LDAH: variants seen among roughly 807,000 people sequenced by gnomAD.
LDAH encodes the protein lipid droplet associated hydrolase.
Under a neutral mutation model 29.6 loss-of-function variants are expected in LDAH, and 26 were observed. That is an observed-to-expected ratio of 0.88 (90% CI 0.64 to 1.22). The LOEUF (loss-of-function observed/expected upper bound fraction) is 1.22, where lower values mean the gene tolerates loss of function less well. Ranked by LOEUF, LDAH falls within the 50% of genes most tolerant of loss-of-function variation. LDAH has a pLI of 0.00. For missense variants in LDAH, 344 were observed against 387.3 expected, an observed-to-expected ratio of 0.89 and a Z score of 0.94; for synonymous variants, 117 against 133.0, an observed-to-expected ratio of 0.88 and a Z score of 0.83.
At chr2:20,754,212 G>A (rs1668153990) in intron 4 of LDAH, among the ~76,000 whole-genome samples, 1 of 152,078 alleles carries the variant, frequency 6.6e-6, no homozygotes, top group South Asian at 2.1e-4. Flanking sequence ...CGCAGGCTGG[G>A]CGCGGTGGCT....
chr2:20,796,788 C>T (rs1671333250), intron 2 of LDAH, among the ~76,000 whole-genome samples: 2 of 152,132 alleles, frequency 1.3e-5, no homozygotes. Context: ...ATCCTGACAC[C>T]AACTTTAAGA....
rs1572708076 is a variant in LDAH at position 20,821,773 on chromosome 2, A to C, written c.-3+1264T>G. On this transcript the variant is annotated intron_variant, in intron 1 of 6. Transcript: ENST00000237822. ...TAGAACTTAAAGTATAATTTTAAAA[A>C]AATTAAAAAAAAGAAAGAAAAAATC... Among the ~76,000 whole-genome samples, 5 of 152,358 alleles carry C rather than the reference A, an allele frequency of 3.3e-5. No individual in the cohort carries two copies. The South Asian group carries it at 1.0e-3, about 32-fold the overall frequency.
At chr2:20,752,690 T>C (rs759302161) in intron 4 of LDAH, among the ~76,000 whole-genome samples, 15 of 152,194 alleles carry the variant, frequency 9.9e-5, no homozygotes, top group Non-Finnish European at 1.6e-4. Context: ...ATGGGTGGCT[T>C]CAAATAACAA....
At chr2:20,754,467 G>C (rs1668180756) in intron 4 of LDAH, among the ~76,000 whole-genome samples, 1 of 137,120 alleles carries the variant, frequency 7.3e-6, no homozygotes, top group South Asian at 2.2e-4. Context: ...CTCCAGTCTG[G>C]GTGACAGAGC....
chr2:20,803,792 G>A (rs1671881222), intron 1 of LDAH, among the ~76,000 whole-genome samples: 1 of 152,162 alleles, frequency 6.6e-6, no homozygotes, highest in South Asian at 2.1e-4. Flanking sequence ...CTTTTCCTCA[G>A]CCCTAGGGTA....
At chr2:20,695,450 CTTTCT>C (rs199997509) in intron 6 of LDAH, among the ~76,000 whole-genome samples, 7,471 of 146,584 alleles carry the variant, frequency 0.051, 177 homozygotes, top group East Asian at 0.12. Context: ...TCCAGACACT[CTTTCT>C]TTTTTTTTTT....
At chr2:20,770,654 C>T (rs920638004) in intron 4 of LDAH, among the ~76,000 whole-genome samples, 2 of 152,170 alleles carry the variant, frequency 1.3e-5, no homozygotes, top group Non-Finnish European at 2.9e-5. Context: ...CTAGAGCATT[C>T]ACGGGGTTTC....
At chr2:20,701,479 T>A in intron 6 of LDAH, 91 bp downstream of exon 6, 7 of 1,024,208 alleles carry the variant, frequency 6.8e-6, no homozygotes, top group Non-Finnish European at 1.1e-5. Context: ...ACCCTTAAAG[T>A]CTTACAGATT....
At chr2:20,791,052 TTATC>T (rs1214828233) in intron 2 of LDAH, among the ~76,000 whole-genome samples, 1 of 152,186 alleles carries the variant, frequency 6.6e-6, no homozygotes, top group Non-Finnish European at 1.5e-5. Context: ...TCTGATCAGT[TTATC>T]TATTTCTTCA....
At chr2:20,817,467 C>A (rs754849789) in intron 1 of LDAH, among the ~76,000 whole-genome samples, 2 of 152,066 alleles carry the variant, frequency 1.3e-5, no homozygotes, top group Non-Finnish European at 2.9e-5. Flanking sequence ...CCTCTCACAC[C>A]TCTCTACCTA....
Position 20,684,885 on chromosome 2 carries a change from CAG to C in LDAH, c.*2016_*2017del. ...CATTTTAGTCTAATCCCTAATGAAACAGAATGAACTTCAGTCTCTTGAAATCT... is the reference window on the plus strand; with the variant it reads ...CATTTTAGTCTAATCCCTAATGAAACAATGAACTTCAGTCTCTTGAAATCT... On this transcript the variant is annotated 3_prime_UTR_variant, in exon 7 of 7. Transcript: ENST00000237822. The C allele has an allele frequency of 6.5e-7, 1 of 1,548,364 alleles. No homozygotes were observed. The highest frequency in any genetic ancestry group is 8.7e-7 in the Non-Finnish European group (1 of 1,146,056).
At chr2:20,745,448 T>A (rs541631403) in intron 4 of LDAH, among the ~76,000 whole-genome samples, 155 of 152,058 alleles carry the variant, frequency 1.0e-3, no homozygotes, top group Non-Finnish European at 2.0e-3. Context: ...GTCATTTGCA[T>A]TTTTTTTGAA....
chr2:20,748,176 T>C (rs1239474260), intron 4 of LDAH, among the ~76,000 whole-genome samples: 1 of 152,218 alleles, frequency 6.6e-6, no homozygotes, highest in Non-Finnish European at 1.5e-5. Context: ...GCCATTTTAG[T>C]ATGTTTCAGT....
chr2:20,750,045 A>G (rs1301355957), intron 4 of LDAH, among the ~76,000 whole-genome samples: 1 of 83,536 alleles, frequency 1.2e-5, no homozygotes, highest in African/African-American at 4.6e-5. Flanking sequence ...TTTTTTTTTG[A>G]AACAAAGTCT....
chr2:20,747,040 A>G (rs1373669104), intron 4 of LDAH, among the ~76,000 whole-genome samples: 1 of 152,060 alleles, frequency 6.6e-6, no homozygotes, highest in Non-Finnish European at 1.5e-5. Flanking sequence ...TGTTGTAATC[A>G]TTTTTTAGAA....
intron 4 of LDAH, among the ~76,000 whole-genome samples, chr2:20,771,674 T>C (rs1181111235): frequency 2.0e-5 from 3 of 152,236 alleles, no homozygotes; most frequent in Non-Finnish European, 4.4e-5. Flanking sequence ...ATGTAGTTAA[T>C]TGAAACCAGA....
chr2:20,779,205 G>A (rs906878277), intron 3 of LDAH, among the ~76,000 whole-genome samples: 3 of 152,082 alleles, frequency 2.0e-5, no homozygotes, highest in Non-Finnish European at 4.4e-5. Flanking sequence ...GAAAGGCTAA[G>A]AATAATATTT....
chr2:20,694,695 G>A (rs1446666044), intron 6 of LDAH, among the ~76,000 whole-genome samples: 1 of 152,240 alleles, frequency 6.6e-6, no homozygotes, highest in Non-Finnish European at 1.5e-5. Flanking sequence ...TGCAGGCACA[G>A]AGGGGAGCGG....
chr2:20,789,640 G>T (rs751713787), intron 3 of LDAH, among the ~76,000 whole-genome samples: 1 of 152,092 alleles, frequency 6.6e-6, no homozygotes, highest in Non-Finnish European at 1.5e-5. Context: ...TTAAAGTAAA[G>T]AACATGGTTT....
Sources: gnomAD v4.1 joint callset for allele counts (sites outside exome capture counted in the v4.1 genomes callset) on GRCh38, gnomAD v4.1.1 for gene constraint, MANE v1.5 for transcripts, NCBI Gene and HGNC (gene_info 2026-07-23, HGNC 2026-07-21) for gene names.